Variants in SLC5A8 observed in about 807,000 individuals in gnomAD.
SLC5A8 encodes the protein solute carrier family 5 member 8, also known as sodium-coupled monocarboxylate transporter 1.
In SLC5A8, 55 loss-of-function variants were observed where a neutral mutation model predicts 71.9. That is an observed-to-expected ratio of 0.77 (90% CI 0.62 to 0.96). The LOEUF is 0.96. Ranked by LOEUF, SLC5A8 falls within the 40% of genes least tolerant of loss-of-function variation. The pLI is 0.00. For missense variants in SLC5A8, 701 were observed against 745.3 expected (o/e 0.94, Z 0.69); for synonymous variants, 307 against 276.1 (o/e 1.11, Z -1.11).
chr12:101,191,940 T>C (rs962592658), intron 5 of SLC5A8, among the ~76,000 whole-genome samples: 2 of 152,198 alleles, frequency 1.3e-5, no homozygotes, highest in African/African-American at 4.8e-5. Flanking sequence ...TATGTATCCT[T>C]CATATAAAGT....
intron 9 of SLC5A8, among the ~76,000 whole-genome samples, chr12:101,181,489 A>G (rs17031118): frequency 0.039 from 5,965 of 152,288 alleles, 166 homozygotes; most frequent in Non-Finnish European, 0.063. Context: ...TTTGTCATTC[A>G]TCAACATCAT....
chr12:101,193,432 C>T (rs767256662), intron 5 of SLC5A8, among the ~76,000 whole-genome samples, 193 bp downstream of exon 5: 3 of 152,226 alleles, frequency 2.0e-5, no homozygotes, highest in East Asian at 1.9e-4. Flanking sequence ...AGCTAAGTAC[C>T]ATCTGACAGG....
At chr12:101,187,577 A>C in intron 6 of SLC5A8, 62 bp from the exon 7 acceptor site, 1 of 1,532,000 alleles carries the variant, frequency 6.5e-7, no homozygotes. Flanking sequence ...AGATTAGGAA[A>C]CCTGTTACAT....
intron 6 of SLC5A8, 26 bp from the exon 7 acceptor site, chr12:101,187,541 A>C (rs1593375987): frequency 1.0e-6 from 1 of 952,802 alleles, no homozygotes; most frequent in Non-Finnish European, 1.4e-6. Flanking sequence ...CAAACCAGCA[A>C]AAGACAACTG....
At chr12:101,206,452 A>G (rs966380196) in intron 1 of SLC5A8, among the ~76,000 whole-genome samples, 4 of 152,246 alleles carry the variant, frequency 2.6e-5, no homozygotes, top group Non-Finnish European at 4.4e-5. Flanking sequence ...AAATTGAACC[A>G]AACTGAAGCA....
chr12:101,160,293 C>T (rs1056798282), intron 13 of SLC5A8, among the ~76,000 whole-genome samples: 1 of 152,122 alleles, frequency 6.6e-6, no homozygotes, highest in African/African-American at 2.4e-5. Flanking sequence ...GAGCACAGTC[C>T]TTTTGGAAAA....
chr12:101,158,604 A>C (rs1369242706), intron 13 of SLC5A8, among the ~76,000 whole-genome samples: 542 of 41,766 alleles, frequency 0.013, 1 homozygote, highest in African/African-American at 0.019. Flanking sequence ...CTCTCTATAT[A>C]TATATATATA....
At chr12:101,183,020 C>G in intron 8 of SLC5A8, 105 bp from the exon 9 acceptor site, 1 of 337,474 alleles carries the variant, frequency 3.0e-6, no homozygotes, top group Non-Finnish European at 5.1e-6. Flanking sequence ...AAAATATAAC[C>G]TGATTTCTAC....
intron 3 of SLC5A8, among the ~76,000 whole-genome samples, chr12:101,200,970 A>T (rs1335616387): frequency 6.6e-6 from 1 of 152,208 alleles, no homozygotes; most frequent in East Asian, 1.9e-4. Context: ...AGCTTTGGTC[A>T]CAGTAAAACA....
intron 5 of SLC5A8, among the ~76,000 whole-genome samples, chr12:101,191,975 T>C (rs1406565962): frequency 1.3e-5 from 2 of 152,184 alleles, no homozygotes; most frequent in Admixed American, 6.5e-5. Context: ...AGAAAAATGA[T>C]TGGTTCCATA....
intron 12 of SLC5A8, among the ~76,000 whole-genome samples, chr12:101,163,989 G>T (rs1010741273): frequency 6.6e-6 from 1 of 152,150 alleles, no homozygotes; most frequent in Non-Finnish European, 1.5e-5. Flanking sequence ...TTCCTCAATG[G>T]AAATGGTTAA....
At chr12:101,158,550 GTCTCTCTCTCTCTCTCTC>G (rs372186123) in intron 13 of SLC5A8, among the ~76,000 whole-genome samples, 134 of 48,468 alleles carry the variant, frequency 2.8e-3, no homozygotes, top group African/African-American at 6.3e-3. Context: ...ATAAATATGA[GTCTCTCTCTCTCTCTCTC>G]TCTCTCTCTC....
intron 5 of SLC5A8, among the ~76,000 whole-genome samples, chr12:101,191,888 C>A (rs537151201): frequency 6.6e-6 from 1 of 152,150 alleles, no homozygotes; most frequent in East Asian, 1.9e-4. Flanking sequence ...TTTTAAAAAT[C>A]TCTTACTAAT....
chr12:101,209,917 G>T lies in SLC5A8; in HGVS notation c.-69C>A, dbSNP rs145633673. 513 of 1,369,370 alleles carry T rather than the reference G, an allele frequency of 3.7e-4. 7 individuals carry two copies. The East Asian group carries it at 0.012, about 32-fold the overall frequency. The allele number at this position is 1,369,370 out of a possible 1,614,324, so 84.8% of individuals were successfully genotyped here. On this transcript the variant is annotated 5_prime_UTR_variant, in exon 1 of 15. Coordinates refer to ENST00000536262, the MANE Select transcript of SLC5A8 (RefSeq NM_145913.5). The stretch of plus-strand genomic sequence containing the variant: ...GCGGCGCGCAGCCGGAGCCCGGCGC[G>T]CACTTCTTATCCCGGATCCCTGGCG...
At position 101,209,750 on chromosome 12, in the gene SLC5A8, G is replaced by A. The variant is rs1452294130; in HGVS notation, c.99C>T (p.Ala33=). The change falls in exon 1 of 15, where the codon GCC becomes GCT. Residue 33 remains alanine (A), a synonymous_variant. Transcript: ENST00000536262. Reference sequence around the variant, plus strand: ...AGGTCTGCTGGCCGCCCCCAGCGAAGGCGTAGTAGATGCCGATGGCGGCCG... The same window carrying A: ...AGGTCTGCTGGCCGCCCCCAGCGAAAGCGTAGTAGATGCCGATGGCGGCCG... ...VISAAIGIYY[A]FAGGGQQTSK... The A allele has an allele frequency of 6.2e-7, 1 of 1,612,156 alleles. No individual in the cohort carries two copies. The highest frequency in any genetic ancestry group is 2.2e-5 in the East Asian group (1 of 44,846).
intron 7 of SLC5A8, among the ~76,000 whole-genome samples, chr12:101,184,438 A>C (rs1358139723): frequency 6.6e-6 from 1 of 152,250 alleles, no homozygotes; most frequent in Non-Finnish European, 1.5e-5. Context: ...ATTCACACAG[A>C]TACGGCTTTT....
At chr12:101,173,598 G>A (rs949721108) in intron 10 of SLC5A8, among the ~76,000 whole-genome samples, 5 of 152,360 alleles carry the variant, frequency 3.3e-5, no homozygotes, top group African/African-American at 9.6e-5. Flanking sequence ...AGACATCACA[G>A]GCTGGGGCAC....
intron 10 of SLC5A8, among the ~76,000 whole-genome samples, chr12:101,173,868 C>A (rs1324275616): frequency 6.6e-6 from 1 of 152,158 alleles, no homozygotes; most frequent in East Asian, 1.9e-4. Flanking sequence ...ACAGCAGGAG[C>A]CAGAGACACA....
chr12:101,168,505 G>A (rs982996961), intron 10 of SLC5A8, among the ~76,000 whole-genome samples: 2 of 152,162 alleles, frequency 1.3e-5, no homozygotes, highest in Admixed American at 1.3e-4. Flanking sequence ...CATTGCTCTT[G>A]CAGGTGTTTA....
Sources: allele counts gnomAD v4.1 joint callset (sites outside exome capture counted in the v4.1 genomes callset), GRCh38; gene constraint gnomAD v4.1.1; transcripts MANE v1.5; gene names NCBI Gene and HGNC (gene_info 2026-07-23, HGNC 2026-07-21).